DLGAP2: variants seen among roughly 807,000 people sequenced by gnomAD.
DLGAP2 encodes the protein DLG associated protein 2, also known as disks large-associated protein 2.
A neutral mutation model predicts 100.3 loss-of-function variants in DLGAP2; 26 were observed. The ratio of observed to expected loss-of-function variants is 0.26; its 90% CI spans 0.19 to 0.36. The LOEUF (loss-of-function observed/expected upper bound fraction) is 0.36. Among genes scored for constraint, DLGAP2 ranks in the 10% least tolerant of loss-of-function variants. The probability of loss-of-function intolerance (pLI) is 1.00; values close to 1 mark genes in which losing one functional copy is unlikely to be tolerated. For synonymous variants in DLGAP2, 886 were observed against 630.1 expected (o/e 1.41, Z -6.08); for missense variants, 1,858 against 1,453.2 (o/e 1.28, Z -4.53).
chr8:1,426,766 G>C (rs1175001119), intron 3 of DLGAP2, among the ~76,000 whole-genome samples: 1 of 152,118 alleles, frequency 6.6e-6, no homozygotes, highest in Non-Finnish European at 1.5e-5. Flanking sequence ...TCCACGTCTT[G>C]AAGAAAAATA....
At chr8:778,611 C>T (rs1172367739) in intron 1 of DLGAP2, among the ~76,000 whole-genome samples, 1 of 152,154 alleles carries the variant, frequency 6.6e-6, no homozygotes, top group African/African-American at 2.4e-5. Context: ...TGCCCTGTGT[C>T]AGTGTACCCC....
chr8:1,308,760 G>C (rs997902379), intron 3 of DLGAP2, among the ~76,000 whole-genome samples: 2 of 152,170 alleles, frequency 1.3e-5, no homozygotes, highest in African/African-American at 4.8e-5. Context: ...CCCGACCTCG[G>C]ATGATCTGCC....
chr8:1,584,508 T>C (rs1381246209), intron 6 of DLGAP2, among the ~76,000 whole-genome samples: 1 of 152,204 alleles, frequency 6.6e-6, no homozygotes, highest in Non-Finnish European at 1.5e-5. Context: ...TCTTCATTTT[T>C]AGTTTCAGCT....
intron 1 of DLGAP2, chr8:738,988 T>G (rs1192404301): frequency 6.8e-6 from 1 of 146,742 alleles, no homozygotes; most frequent in Non-Finnish European, 1.5e-5. Context: ...TTCCAGCCCC[T>G]GCGCGACGCC....
chr8:1,279,499 A>G (rs781644009), intron 3 of DLGAP2, among the ~76,000 whole-genome samples: 11 of 152,032 alleles, frequency 7.2e-5, no homozygotes, highest in Non-Finnish European at 1.5e-4. Flanking sequence ...TGCGGAGGGA[A>G]ATTGCAATTC....
At chr8:1,692,634 C>G (rs1227351997) in intron 13 of DLGAP2, among the ~76,000 whole-genome samples, 1 of 152,006 alleles carries the variant, frequency 6.6e-6, no homozygotes, top group East Asian at 1.9e-4. Flanking sequence ...TCTAATGTCA[C>G]AAATGAAGAA....
chr8:986,692 C>T (rs539805572), intron 2 of DLGAP2, among the ~76,000 whole-genome samples: 3 of 150,418 alleles, frequency 2.0e-5, no homozygotes, highest in Non-Finnish European at 1.5e-5. Context: ...CAGAGTCTCA[C>T]TCTGTTGCCT....
intron 2 of DLGAP2, chr8:1,019,473 C>T (rs1249329633): frequency 2.6e-5 from 4 of 151,542 alleles, no homozygotes; most frequent in Admixed American, 2.0e-4. Context: ...GAGAATCGCA[C>T]ATAGAAAGAA....
chr8:1,163,685 G>T (rs939567231), intron 2 of DLGAP2, among the ~76,000 whole-genome samples: 1 of 152,210 alleles, frequency 6.6e-6, no homozygotes, highest in African/African-American at 2.4e-5. Flanking sequence ...AACGCTTCAG[G>T]AGCTGCTTGT....
intron 4 of DLGAP2, among the ~76,000 whole-genome samples, chr8:1,539,918 G>A (rs991304068): frequency 1.2e-4 from 19 of 152,218 alleles, no homozygotes; most frequent in African/African-American, 4.6e-4. Flanking sequence ...CAGCCAGGGA[G>A]ACCCCCTCAA....
At chr8:1,520,879 G>A (rs568601388) in intron 4 of DLGAP2, among the ~76,000 whole-genome samples, 2 of 152,318 alleles carry the variant, frequency 1.3e-5, no homozygotes, top group African/African-American at 2.4e-5. Context: ...ATACCTGGGG[G>A]CGTGATTGCT....
At chr8:1,374,565 G>A (rs960988903) in intron 3 of DLGAP2, among the ~76,000 whole-genome samples, 4 of 152,150 alleles carry the variant, frequency 2.6e-5, no homozygotes, top group Non-Finnish European at 5.9e-5. Flanking sequence ...TGTGCTTTAT[G>A]ATTCTCTGAA....
At chr8:1,390,595 T>C (rs1585327780) in intron 3 of DLGAP2, among the ~76,000 whole-genome samples, 2 of 152,212 alleles carry the variant, frequency 1.3e-5, no homozygotes, top group Non-Finnish European at 2.9e-5. Flanking sequence ...GCCGCCTCCC[T>C]TGCCTGCTTG....
chr8:930,040 G>T (rs1016561856), intron 2 of DLGAP2, among the ~76,000 whole-genome samples: 3 of 152,094 alleles, frequency 2.0e-5, no homozygotes, highest in African/African-American at 7.2e-5. Flanking sequence ...CCTGATTCAT[G>T]ATTTTCTTGT....
intron 1 of DLGAP2, 168 bp downstream of exon 1, chr8:737,993 C>T (rs1236403625): frequency 3.1e-6 from 1 of 325,506 alleles, no homozygotes; most frequent in Non-Finnish European, 5.6e-6. Context: ...GCTGGGGACC[C>T]CAGGGACAGC....
At chr8:1,191,966 C>G (rs1320030049) in intron 2 of DLGAP2, among the ~76,000 whole-genome samples, 1 of 152,216 alleles carries the variant, frequency 6.6e-6, no homozygotes, top group African/African-American at 2.4e-5. Flanking sequence ...GTAGCAATGA[C>G]TTCAAAACTT....
At chr8:1,362,661 G>C (rs757430482) in intron 3 of DLGAP2, among the ~76,000 whole-genome samples, 1 of 152,192 alleles carries the variant, frequency 6.6e-6, no homozygotes, top group Non-Finnish European at 1.5e-5. Flanking sequence ...GCATTTTACA[G>C]TGGCAGGCAG....
chr8:1,267,305 G>A (rs545426363), intron 3 of DLGAP2, among the ~76,000 whole-genome samples: 58 of 150,588 alleles, frequency 3.9e-4, no homozygotes, highest in African/African-American at 1.3e-3. Flanking sequence ...AGTGGCTCAC[G>A]CCTGTAATTC....
At chr8:781,628 C>G (rs1327926150) in intron 1 of DLGAP2, among the ~76,000 whole-genome samples, 1 of 152,110 alleles carries the variant, frequency 6.6e-6, no homozygotes, top group African/African-American at 2.4e-5. Flanking sequence ...AGCCCATTAA[C>G]ACAAGAGGAC....
Sources: gnomAD v4.1 joint callset for allele counts (sites outside exome capture counted in the v4.1 genomes callset) on GRCh38, gnomAD v4.1.1 for gene constraint, MANE v1.5 for transcripts, NCBI Gene and HGNC (gene_info 2026-07-23, HGNC 2026-07-21) for gene names.